CD2AP: variants seen among roughly 807,000 people sequenced by gnomAD.
The protein encoded by CD2AP is CD2 associated protein.
Under a neutral mutation model 85.1 loss-of-function variants are expected in CD2AP, and 46 were observed. The observed-to-expected ratio is 0.54, with a 90% CI of 0.43 to 0.69. CD2AP has a LOEUF of 0.69. Ranked by LOEUF, CD2AP falls within the 30% of genes least tolerant of loss-of-function variation. The pLI is 0.00. For synonymous variants in CD2AP, 255 were observed against 252.9 expected (o/e 1.01, Z -0.08); for missense variants, 769 against 729.5 (o/e 1.05, Z -0.62).
At chr6:47,480,681 C>G (rs368257499) in intron 1 of CD2AP, among the ~76,000 whole-genome samples, 5 of 151,952 alleles carry the variant, frequency 3.3e-5, no homozygotes, top group African/African-American at 1.2e-4. Context: ...CCAGTGCTGG[C>G]GGTGGTGATT....
At chr6:47,484,352 T>C (rs760544587) in intron 1 of CD2AP, among the ~76,000 whole-genome samples, 1 of 21,162 alleles carries the variant, frequency 4.7e-5, no homozygotes, top group Non-Finnish European at 1.6e-4. Flanking sequence ...ATATTACCTC[T>C]TTTTTTTTTT....
At chr6:47,489,938 CGTTT>C (rs1554167566) in intron 1 of CD2AP, among the ~76,000 whole-genome samples, 2 of 142,624 alleles carry the variant, frequency 1.4e-5, no homozygotes, top group Non-Finnish European at 3.0e-5. Flanking sequence ...GATTGGTATT[CGTTT>C]GAGTAACTAT....
At chr6:47,603,672 C>T (rs887277505) in intron 13 of CD2AP, among the ~76,000 whole-genome samples, 6 of 151,978 alleles carry the variant, frequency 3.9e-5, no homozygotes, top group Admixed American at 2.0e-4. Flanking sequence ...ATTCATTCTA[C>T]AGCTGTTCTT....
chr6:47,545,992 C>G (rs1347702531), intron 4 of CD2AP, among the ~76,000 whole-genome samples: 1 of 152,004 alleles, frequency 6.6e-6, no homozygotes, highest in Admixed American at 6.6e-5. Context: ...AGCAAGGTAT[C>G]CAAACCAAGA....
chr6:47,543,186 G>GAAAAAA (rs1189649037), intron 3 of CD2AP, among the ~76,000 whole-genome samples: 1 of 74,274 alleles, frequency 1.3e-5, no homozygotes, highest in African/African-American at 3.7e-5. Flanking sequence ...AAAGAAAAAA[G>GAAAAAA]AAAAAAAAGA....
At position 47,554,710 on chromosome 6, in the gene CD2AP, T is replaced by G; in HGVS notation, c.485T>G (p.Val162Gly). The change falls in exon 5 of 18, where the codon GTG becomes GGG. Residue 162 changes from valine to glycine, a missense_variant. Coordinates refer to ENST00000359314, the MANE Select transcript of CD2AP (RefSeq NM_012120.3). Reference protein sequence around the residue: ...NKLGLFPSNFVKELEVTDDGE... With the variant: ...NKLGLFPSNFGKELEVTDDGE... ...TTGGGACTGTTTCCCTCAAATTTTG[T>G]GAAAGAATTAGAGGTAACAGATGAT... is the stretch of plus-strand genomic sequence containing the variant. The G allele has an allele frequency of 6.2e-7, 1 of 1,613,740 alleles. No individual in the cohort carries two copies. Among genetic ancestry groups the G allele is most frequent in the South Asian group, 1.1e-5 (1 of 91,064 alleles).
Position 47,503,311 on chromosome 6 carries a change from T to C in CD2AP, c.36T>C (p.Ala12=). The part of the protein sequence containing the change: ...VDYIVEYDYD[A]VHDDELTIRV... ...ATATTGTGGAGTATGACTATGATGC[T>C]GTACATGATGATGAATTAACTATTC... is the stretch of plus-strand genomic sequence containing the variant. The change falls in exon 2 of 18, where the codon GCT becomes GCC. Residue 12 remains alanine (A), a synonymous_variant. Transcript: ENST00000359314. 1 of 1,613,870 alleles carries C rather than the reference T, an allele frequency of 6.2e-7. No individual in the cohort carries two copies. The highest frequency in any genetic ancestry group is 2.2e-5 in the East Asian group (1 of 44,808).
In CD2AP at chr6:47,538,904, C is replaced by T. The variant is rs1405613051; in HGVS notation, c.319+5149C>T. Reference sequence around the variant, plus strand: ...ATTAGAAAAAGAACAAGGGCAGTAACCTTACTGAGTCTGAAATTTCACACA... The same window carrying T: ...ATTAGAAAAAGAACAAGGGCAGTAATCTTACTGAGTCTGAAATTTCACACA... On this transcript the variant is annotated intron_variant, in intron 3 of 17. Transcript: ENST00000359314. Among the ~76,000 whole-genome samples, 3 of 152,112 alleles carry T rather than the reference C, an allele frequency of 2.0e-5. No homozygotes were observed. In the East Asian group the frequency reaches 5.8e-4, roughly 29 times the overall value.
chr6:47,540,174 C>CA (rs373888400), intron 3 of CD2AP, among the ~76,000 whole-genome samples: 5,144 of 54,942 alleles, frequency 0.094, 147 homozygotes, highest in South Asian at 0.16. Context: ...GGCCCTGTCT[C>CA]AAAAAAAAAA....
At chr6:47,613,232 C>T (rs1003169739) in intron 17 of CD2AP, among the ~76,000 whole-genome samples, 1 of 152,176 alleles carries the variant, frequency 6.6e-6, no homozygotes, top group Admixed American at 6.5e-5. Context: ...GAATGTTCCT[C>T]ATGGCATCTA....
At chr6:47,545,393 G>A (rs535795419) in intron 4 of CD2AP, among the ~76,000 whole-genome samples, 18 of 152,168 alleles carry the variant, frequency 1.2e-4, no homozygotes, top group African/African-American at 3.1e-4. Flanking sequence ...AGCCCCGCCC[G>A]CACCTAATGG....
chr6:47,611,345 T>G (rs1012116951), intron 16 of CD2AP, among the ~76,000 whole-genome samples: 1 of 149,474 alleles, frequency 6.7e-6, no homozygotes, highest in Admixed American at 6.7e-5. Context: ...AACAAATAAA[T>G]AATAATAAAT....
intron 1 of CD2AP, among the ~76,000 whole-genome samples, chr6:47,488,166 C>T (rs1765616358): frequency 6.6e-6 from 1 of 151,390 alleles, no homozygotes; most frequent in Non-Finnish European, 1.5e-5. Context: ...TTACCTACTC[C>T]GTGTGTATAA....
intron 2 of CD2AP, among the ~76,000 whole-genome samples, chr6:47,520,697 G>C (rs77652558): frequency 6.6e-6 from 1 of 150,380 alleles, no homozygotes. Flanking sequence ...TCCCTACTTG[G>C]TCATTGCTAC....
At chr6:47,525,170 T>A (rs1257057369) in intron 2 of CD2AP, among the ~76,000 whole-genome samples, 1 of 152,120 alleles carries the variant, frequency 6.6e-6, no homozygotes, top group African/African-American at 2.4e-5. Flanking sequence ...AATGTAAGCC[T>A]AAAATTAGTC....
chr6:47,562,706 A>G lies in CD2AP; in HGVS notation c.541+7940A>G. ...GGTTCAGAAGACCACCCTCATCCAC[A>G]GTAGCCTAGCAGTGAAATTTGTGAA... On this transcript the variant is annotated intron_variant, in intron 5 of 17. Coordinates refer to ENST00000359314, the MANE Select transcript of CD2AP (RefSeq NM_012120.3). The G allele has an allele frequency of 7.0e-6, 5 of 709,844 alleles. No individual in the cohort carries two copies. The Admixed American group carries it at 7.2e-5, about 10-fold the overall frequency. The allele number at this position is 709,844 out of a possible 1,614,324, so 44.0% of individuals were successfully genotyped here.
intron 17 of CD2AP, among the ~76,000 whole-genome samples, chr6:47,612,842 G>A (rs1769487106): frequency 6.6e-6 from 1 of 152,152 alleles, no homozygotes; most frequent in African/African-American, 2.4e-5. Context: ...CAGAAGGATG[G>A]ATACCAGAGG....
At chr6:47,597,287 C>G (rs1768978781) in intron 12 of CD2AP, among the ~76,000 whole-genome samples, 1 of 150,776 alleles carries the variant, frequency 6.6e-6, no homozygotes. Flanking sequence ...GTAGAAGGCC[C>G]TCTCCTGCCA....
chr6:47,563,198 A>G (rs1767906816), intron 5 of CD2AP, among the ~76,000 whole-genome samples: 4 of 152,310 alleles, frequency 2.6e-5, no homozygotes, highest in South Asian at 4.1e-4. Flanking sequence ...TGTAATCCCT[A>G]TGTAGTCCAG....
Sources: gnomAD v4.1 joint callset for allele counts (sites outside exome capture counted in the v4.1 genomes callset) on GRCh38, gnomAD v4.1.1 for gene constraint, MANE v1.5 for transcripts, NCBI Gene and HGNC (gene_info 2026-07-23, HGNC 2026-07-21) for gene names.